OTOG: variants seen among roughly 807,000 people sequenced by gnomAD.
OTOG encodes the protein otogelin.
Under a neutral mutation model 313.8 loss-of-function variants are expected in OTOG, and 296 were observed. The observed-to-expected ratio is 0.94, with a 90% confidence interval of 0.86 to 1.04. The LOEUF (loss-of-function observed/expected upper bound fraction) is 1.04, where lower values mean the gene tolerates loss of function less well. Ranked by LOEUF, OTOG falls within the 50% of genes least tolerant of loss-of-function variation. The pLI, the probability that OTOG is intolerant of heterozygous loss-of-function variation, is 0.00. For missense variants in OTOG, 3,948 were observed against 3,840.1 expected (o/e 1.03, Z -0.74); for synonymous variants, 1,533 against 1,554.9 (o/e 0.99, Z 0.33).
At position 17,611,405 on chromosome 11, in the gene OTOG, T is replaced by C; in HGVS notation, c.6105T>C (p.Asn2035=). ...CTTTGGCAACTACCACTGAGGCCAA[T>C]ACATCCACCACCTGTGTTGTGAGTG... ...AEALATTTEA[N]TSTTCVPIAE... The change falls in exon 36 of 56, where the codon AAT becomes AAC. Residue 2035 remains asparagine (N), a synonymous_variant. Transcript: ENST00000399397. The C allele has an allele frequency of 6.5e-7, 1 of 1,531,130 alleles. No homozygotes were observed. 94.8% of individuals were successfully genotyped at this position (1,531,130 alleles called of 1,614,324 possible).
At position 17,642,079 on chromosome 11, in the gene OTOG, G is replaced by A. The variant is rs554510049; in HGVS notation, c.8296-48G>A. ...TCCCAGACCCTATGGGTTTGCGCAG[G>A]CTGTCCATCTGGCCACAGCTCCCAT... On this transcript the variant is annotated intron_variant, in intron 52 of 55. Transcript: ENST00000399397. 58 of 1,517,940 alleles carry A rather than the reference G, an allele frequency of 3.8e-5. No homozygotes were observed. In the East Asian group the frequency reaches 1.3e-3, roughly 33 times the overall value. The allele number at this position is 1,517,940 out of a possible 1,614,324, so 94.0% of individuals were successfully genotyped here. A position where few individuals can be genotyped will look rare whatever the true frequency, so the allele number is the denominator to read the frequency against.
At position 17,645,606 on chromosome 11, in the gene OTOG, T is replaced by A; in HGVS notation, c.8504T>A (p.Met2835Lys). ...GRSCKKVTIRMTIRKNECRSS... is the reference protein window; with the variant it reads ...GRSCKKVTIRKTIRKNECRSS... ...TCCTGCAAGAAGGTGACCATCCGCA[T>A]GACCATCCGCAAGAATGAATGCAGG... The change falls in exon 55 of 56, where the codon ATG becomes AAG. Residue 2835 changes from methionine (M) to lysine (K), a missense_variant. Met to Lys is a moderately conservative substitution (Grantham distance 95). Coordinates refer to ENST00000399397, the MANE Select transcript of OTOG (RefSeq NM_001292063.2). 1 of 1,550,646 alleles carries A rather than the reference T, an allele frequency of 6.4e-7. No individual in the cohort carries two copies. Among genetic ancestry groups the A allele is most frequent in the Middle Eastern group, 1.7e-4 (1 of 5,992 alleles).
At position 17,629,182 on chromosome 11, in the gene OTOG, T is replaced by G; in HGVS notation, c.6578T>G (p.Phe2193Cys). 6.4e-7 allele frequency: 1 copy of G among 1,550,570 alleles called. No homozygotes were observed. Among genetic ancestry groups the G allele is most frequent in the South Asian group, 1.2e-5 (1 of 84,046 alleles). ...PVWPPVSRYGFRIEDTGHMYM... is the reference protein window; with the variant it reads ...PVWPPVSRYGCRIEDTGHMYM... ...TGGCCACCGGTGAGCAGGTATGGATTCAGAATTGAGGACACAGGCCACATG... is the reference window on the plus strand; with the variant it reads ...TGGCCACCGGTGAGCAGGTATGGATGCAGAATTGAGGACACAGGCCACATG... The change falls in exon 40 of 56, where the codon TTC becomes TGC. Residue 2193 changes from phenylalanine (F) to cysteine (C), a missense_variant. By Grantham distance (205) the Phe-to-Cys change is radical. Coordinates refer to ENST00000399397, the MANE Select transcript of OTOG (RefSeq NM_001292063.2).
rs574960379 is a variant in OTOG at position 17,573,428 on chromosome 11, C to T, written c.2293+138C>T. On this transcript the variant is annotated intron_variant, in intron 19 of 55. Coordinates refer to ENST00000399397, the MANE Select transcript of OTOG (RefSeq NM_001292063.2). ...CTGCACCCAGAGCCTGCTTCTCCTC[C>T]TGCACCCTCCATCTCTGCCAATGGC... is the stretch of plus-strand genomic sequence containing the variant. 4 of 912,576 alleles carry T rather than the reference C, an allele frequency of 4.4e-6. No homozygotes were observed. In the African/African-American group the frequency reaches 5.0e-5, roughly 11 times the overall value. The allele number at this position is 912,576 out of a possible 1,614,324, so 56.5% of individuals were successfully genotyped here.
At chr11:17,548,915 C>T (rs966046264) in intron 3 of OTOG, among the ~76,000 whole-genome samples, 4 of 152,070 alleles carry the variant, frequency 2.6e-5, no homozygotes, top group African/African-American at 7.2e-5. Context: ...GACAGAGTCT[C>T]ACTATGTTGC....
At chr11:17,599,648 A>T in intron 30 of OTOG, 23 bp from the exon 31 acceptor site, 1 of 1,550,560 alleles carries the variant, frequency 6.4e-7, no homozygotes, top group Non-Finnish European at 8.7e-7. Flanking sequence ...GCTCTCAGGA[A>T]GTTCCTGTTC....
Position 17,631,906 on chromosome 11 carries a change from G to C in OTOG, c.6917G>C (p.Ser2306Thr), listed in dbSNP as rs1308805710. 1.9e-6 allele frequency: 3 copies of C among 1,549,880 alleles called. No individual in the cohort carries two copies. Among genetic ancestry groups the C allele is most frequent in the African/African-American group, 2.7e-5 (2 of 73,066 alleles). The change falls in exon 41 of 56, where the codon AGT (serine) becomes ACT (threonine). Residue 2306 changes from serine (S) to threonine (T), a missense_variant. By Grantham distance (58) the Ser-to-Thr change is moderately conservative. Transcript: ENST00000399397. ...CLRMVSNRTF[S>T]ACHRFVPPES... ...CGCATGGTGTCCAACCGCACCTTCA[G>C]TGCCTGCCACCGCTTTGTATGTGCC...
rs377573322 is a variant in OTOG at position 17,622,887 on chromosome 11, G to A, written c.6529-6246G>A. Among the ~76,000 whole-genome samples, 9 of 152,166 alleles carry A rather than the reference G, an allele frequency of 5.9e-5. No homozygotes were observed. In the East Asian group the frequency reaches 1.5e-3, roughly 26 times the overall value. On this transcript the variant is annotated intron_variant, in intron 39 of 55. Transcript: ENST00000399397. ...TATACCCAGATTGCTGGATCATATG[G>A]TAGCTCTATTTTTAGTGTTTTGAGG...
chr11:17,590,614 A>G lies in OTOG; in HGVS notation c.2868-836A>G, dbSNP rs549610555. Among the ~76,000 whole-genome samples the G allele has an allele frequency of 3.3e-5, 5 of 152,242 alleles. No homozygotes were observed. In the South Asian group the frequency reaches 6.2e-4, roughly 19 times the overall value. ...ACATAAATCACACAGTGTCATTCCC[A>G]TGATCAAGTCTTCCAATGCCCACCA... On this transcript the variant is annotated intron_variant, in intron 24 of 55. Coordinates refer to ENST00000399397, the MANE Select transcript of OTOG (RefSeq NM_001292063.2).
chr11:17,578,254 C>T, intron 22 of OTOG, 119 bp from the exon 23 acceptor site: 1 of 1,408,270 alleles, frequency 7.1e-7, no homozygotes, highest in South Asian at 1.6e-5. Flanking sequence ...CCAGGAGCGA[C>T]CAGGGAGGGA....
rs1003596823 is a variant in OTOG, at chr11:17,612,243, C to T, written c.6205C>T (p.Gln2069Ter). The T allele has an allele frequency of 1.3e-6, 2 of 1,548,148 alleles. No homozygotes were observed. Among genetic ancestry groups the T allele is most frequent in the Non-Finnish European group, 1.7e-6 (2 of 1,146,970 alleles). Residue 2069 changes from glutamine to a stop codon, truncating the protein, a stop_gained, in exon 37 of 56, where the codon CAG becomes TAG. Coordinates refer to ENST00000399397, the MANE Select transcript of OTOG (RefSeq NM_001292063.2). LOFTEE classifies it high-confidence loss of function. ...IRVNQSQHCP[Q>*]GAAPPRCGIL... ...CGTGAATCAGTCCCAGCACTGTCCC[C>T]AGGGTGCTGCTCCCCCTCGCTGTGG...
intron 36 of OTOG, 52 bp from the exon 37 acceptor site, chr11:17,612,110 G>T: frequency 1.3e-6 from 2 of 1,541,004 alleles, no homozygotes; most frequent in East Asian, 2.4e-5. Flanking sequence ...AGCTTGCAGG[G>T]TGGGCTGTAG....
chr11:17,607,200 T>A (rs1016862359), intron 33 of OTOG, among the ~76,000 whole-genome samples: 4 of 152,256 alleles, frequency 2.6e-5, no homozygotes, highest in African/African-American at 9.6e-5. Flanking sequence ...AAATGTAAGT[T>A]AGACTTTTGG....
intron 38 of OTOG, among the ~76,000 whole-genome samples, chr11:17,613,066 A>G (rs1027384816): frequency 1.3e-5 from 2 of 152,188 alleles, no homozygotes; most frequent in Non-Finnish European, 2.9e-5. Context: ...TGCCACTGCA[A>G]TGGTGTGGCC....
At chr11:17,639,746 G>C (rs886527713) in intron 49 of OTOG, among the ~76,000 whole-genome samples, 1 of 152,180 alleles carries the variant, frequency 6.6e-6, no homozygotes. Flanking sequence ...GATGATGGTG[G>C]GGACAGTGAG....
At chr11:17,630,193 C>G (rs764364850) in intron 40 of OTOG, among the ~76,000 whole-genome samples, 25 of 152,186 alleles carry the variant, frequency 1.6e-4, no homozygotes, top group Non-Finnish European at 1.6e-4. Context: ...AGACAAAATC[C>G]CTGTTTTATG....
chr11:17,619,031 A>C (rs1411288392), intron 39 of OTOG, among the ~76,000 whole-genome samples: 1 of 152,120 alleles, frequency 6.6e-6, no homozygotes, highest in Non-Finnish European at 1.5e-5. Context: ...GGGAGGTTGA[A>C]GCAGGTGGAC....
rs4756902 is a variant in OTOG, at chr11:17,576,644, G to A, written c.2561+14G>A. On this transcript the variant is annotated intron_variant, in intron 21 of 55. Transcript: ENST00000399397. ...CCTGGGCCACTGGTGAGCTCCGTAG[G>A]TAGCAGCCTTCTTGTCCTCTCTTTA... The A allele has an allele frequency of 0.38, 585,697 of 1,535,456 alleles. 113,789 individuals are homozygous for A. The highest frequency in any genetic ancestry group is 0.4 in the Non-Finnish European group (452,676 of 1,133,410).
At chr11:17,596,189 C>A in intron 29 of OTOG, 35 bp downstream of exon 29, 1 of 1,428,168 alleles carries the variant, frequency 7.0e-7, no homozygotes, top group Non-Finnish European at 9.7e-7. Flanking sequence ...CTCCCGAGTG[C>A]CCCCTCCACT....
Sources: gnomAD v4.1 joint callset for allele counts (sites outside exome capture counted in the v4.1 genomes callset) on GRCh38, gnomAD v4.1.1 for gene constraint, MANE v1.5 for transcripts, NCBI Gene and HGNC (gene_info 2026-07-23, HGNC 2026-07-21) for gene names.